The following ZNF8 variants were observed in gnomAD, a reference collection of about 807,000 sequenced individuals.
The protein encoded by ZNF8 is zinc finger protein 272.
In ZNF8, 9 loss-of-function variants were observed where a neutral mutation model predicts 12.2. That is an observed-to-expected ratio of 0.73 (90% CI 0.44 to 1.28). ZNF8 has a LOEUF of 1.28. ZNF8 is among the 50% of genes most tolerant of loss of function. ZNF8 has a pLI of 0.00. For synonymous variants in ZNF8, 274 were observed against 282.3 expected (o/e 0.97, Z 0.30); for missense variants, 664 against 729.1 (o/e 0.91, Z 1.03).
At chr19:58,290,207 G>A (rs572564670) in intron 3 of ZNF8, among the ~76,000 whole-genome samples, 2 of 130,464 alleles carry the variant, frequency 1.5e-5, no homozygotes, top group Admixed American at 9.7e-5. Flanking sequence ...TCCGCCTCCC[G>A]GGTTCACGCC....
At chr19:58,291,988 G>A (rs2051422243) in intron 3 of ZNF8, among the ~76,000 whole-genome samples, 1 of 152,106 alleles carries the variant, frequency 6.6e-6, no homozygotes, top group Admixed American at 6.6e-5. Flanking sequence ...AAGGGCACAG[G>A]GTCGTGTCCA....
At chr19:58,290,418 A>G (rs11672773) in intron 3 of ZNF8, among the ~76,000 whole-genome samples, 54,601 of 152,008 alleles carry the variant, frequency 0.36, 10,650 homozygotes, top group Middle Eastern at 0.47. Flanking sequence ...CCGGCCATCA[A>G]GATTCTTAAT....
rs754565635 is a variant in ZNF8 at position 58,294,475 on chromosome 19, T to G, written c.667T>G (p.Ser223Ala). Residue 223 changes from serine to alanine, a missense_variant, in exon 4 of 4, where the codon TCC becomes GCC. Transcript: ENST00000621650. This position sits in a 1 kb window ranked among gnomAD's most constrained non-coding sequence, Gnocchi z 5.5. ...CAGCTTAGTCAGTCAGCAGACAGGC[T>G]CCCCAGGAAAACAGCCCGGTGAAAA... ...NSSLVSQQTG[S>A]PGKQPGENSD... is the part of the protein sequence containing the mutation. 1.9e-6 allele frequency: 3 copies of G among 1,613,808 alleles called. No individual in the cohort carries two copies. The highest frequency in any genetic ancestry group is 1.7e-5 in the Admixed American group (1 of 59,966).
At chr19:58,284,532 C>T (rs922745600) in intron 1 of ZNF8, among the ~76,000 whole-genome samples, 1 of 152,176 alleles carries the variant, frequency 6.6e-6, no homozygotes, top group Non-Finnish European at 1.5e-5. Context: ...GGTAATGTTG[C>T]ATCAACTTAT....
chr19:58,285,595 C>A, intron 1 of ZNF8, 122 bp from the exon 2 acceptor site: 1 of 1,402,608 alleles, frequency 7.1e-7, no homozygotes. Flanking sequence ...TGACTCCCAT[C>A]ATTCATAACG....
At position 58,279,089 on chromosome 19, in the gene ZNF8, C is replaced by A. The variant is rs866237397; in HGVS notation, c.8C>A (p.Pro3His). The A allele has an allele frequency of 6.6e-7, 1 of 1,523,868 alleles. No homozygotes were observed. The allele number at this position is 1,523,868 out of a possible 1,614,324, so 94.4% of individuals were successfully genotyped here. ...TTCACTGGGCGATCCAGCATGGACC[C>A]CGAGGACGAAGGGGTAGCGGGAGTG... is the stretch of plus-strand genomic sequence containing the variant. MD[P>H]EDEGVAGVMS... is the part of the protein sequence containing the mutation. The change falls in exon 1 of 4, where the codon CCC (proline) becomes CAC (histidine). Residue 3 changes from proline to histidine, a missense_variant. Coordinates refer to ENST00000621650, the MANE Select transcript of ZNF8 (RefSeq NM_021089.3).
At position 58,295,263 on chromosome 19, in the gene ZNF8, CCAGAT is replaced by C; in HGVS notation, c.1456_1460del (p.Gln486AsnfsTer16). ...TTCAGAGCTCTCACCTCATCCGGCA[CCAGAT>C]AACTCACACCAGAGAGGAGCAGCCC... On this transcript the variant is annotated frameshift_variant, in exon 4 of 4. Coordinates refer to ENST00000621650, the MANE Select transcript of ZNF8 (RefSeq NM_021089.3). LOFTEE classifies it low-confidence loss of function (END_TRUNC). The C allele has an allele frequency of 3.7e-6, 6 of 1,614,258 alleles. No homozygotes were observed. The highest frequency in any genetic ancestry group is 5.1e-6 in the Non-Finnish European group (6 of 1,180,048).
chr19:58,294,322 G>C lies in ZNF8; in HGVS notation c.514G>C (p.Gly172Arg), dbSNP rs1344045888. ...CAAGGAAGCACCAGTTCAAGATCAAGGCTACAAAACTCTCAGACTCAGGGA... is the reference window on the plus strand; with the variant it reads ...CAAGGAAGCACCAGTTCAAGATCAACGCTACAAAACTCTCAGACTCAGGGA... Reference protein sequence around the residue: ...GLKEAPVQDQGYKTLRLRENC... With the variant: ...GLKEAPVQDQRYKTLRLRENC... The change falls in exon 4 of 4, where the codon GGC (glycine) becomes CGC (arginine). Residue 172 changes from glycine to arginine, a missense_variant. By Grantham distance (125) the Gly-to-Arg change is moderately radical. Transcript: ENST00000621650. This position sits in a 1 kb window ranked among gnomAD's most constrained non-coding sequence, Gnocchi z 5.5. The C allele has an allele frequency of 6.2e-7, 1 of 1,614,156 alleles. No individual in the cohort carries two copies.
chr19:58,298,781 C>T lies in ZNF8; in HGVS notation c.*3245C>T, dbSNP rs1168426564. ...CATAAATTTTGTTTTCTATTTGTTT[C>T]ATAGTAATCATAATCTAAACAAGAT... On this transcript the variant is annotated 3_prime_UTR_variant, in exon 4 of 4. Transcript: ENST00000621650. 1 of 147,858 alleles carries T rather than the reference C, an allele frequency of 6.8e-6. No individual in the cohort carries two copies. The highest frequency in any genetic ancestry group is 2.5e-5 in the African/African-American group (1 of 39,866). The allele number at this position is 147,858 out of a possible 1,614,324, so 9.2% of individuals were successfully genotyped here.
At chr19:58,279,488 C>T (rs1247563998) in intron 1 of ZNF8, 7 of 1,476,932 alleles carry the variant, frequency 4.7e-6, no homozygotes, top group Non-Finnish European at 5.4e-6. Context: ...GGTCTGTCCT[C>T]GTGTTGACTG....
chr19:58,281,943 T>C (rs1159857433), intron 1 of ZNF8, among the ~76,000 whole-genome samples: 3 of 152,020 alleles, frequency 2.0e-5, no homozygotes, highest in Admixed American at 1.3e-4. Context: ...TGCAACCCCA[T>C]CTCTACTAAA....
chr19:58,279,416 T>G (rs1441043775), intron 1 of ZNF8: 1 of 1,444,992 alleles, frequency 6.9e-7, no homozygotes, highest in Admixed American at 2.6e-5. Flanking sequence ...CCCGAGAGAA[T>G]CGAGCAGGCC....
At position 58,279,154 on chromosome 19, in the gene ZNF8, A is replaced by G. The variant is rs370737877; in HGVS notation, c.66+7A>G. The G allele has an allele frequency of 6.0e-5, 94 of 1,558,772 alleles. No individual in the cohort carries two copies. The highest frequency in any genetic ancestry group is 7.3e-5 in the Non-Finnish European group (84 of 1,152,596). On this transcript the variant is annotated splice_region_variant and intron_variant, in intron 1 of 3. Transcript: ENST00000621650. ...GCCGGCGGCCCGGCTTCAGGTAACA[A>G]TAACAACAATAACGACGGCGGCGGG...
At position 58,279,006 on chromosome 19, in the gene ZNF8, G is replaced by T. The variant is rs977247937; in HGVS notation, c.-76G>T. The T allele has an allele frequency of 5.9e-6, 8 of 1,347,802 alleles. No individual in the cohort carries two copies. The highest frequency in any genetic ancestry group is 7.0e-5 in the Admixed American group (2 of 28,606). The allele number at this position is 1,347,802 out of a possible 1,614,324, so 83.5% of individuals were successfully genotyped here. A position where few individuals can be genotyped will look rare whatever the true frequency, so the allele number is the denominator to read the frequency against. On this transcript the variant is annotated 5_prime_UTR_variant, in exon 1 of 4. Coordinates refer to ENST00000621650, the MANE Select transcript of ZNF8 (RefSeq NM_021089.3). ...GCCATTGTCCGGCGTTCGGCGAGTC[G>T]GGTGGTCCCTTTGGCTGGAGTGCCT...
chr19:58,281,513 A>G (rs1297934095), intron 1 of ZNF8, among the ~76,000 whole-genome samples: 2 of 152,122 alleles, frequency 1.3e-5, no homozygotes, highest in East Asian at 3.9e-4. Flanking sequence ...TGCCACTGAG[A>G]ATTCTCATGG....
intron 2 of ZNF8, 128 bp downstream of exon 2, chr19:58,285,971 C>T (rs2051380568): frequency 1.4e-6 from 2 of 1,448,038 alleles, no homozygotes; most frequent in Admixed American, 2.0e-5. Context: ...GAGGTCTGCC[C>T]TTTTCCATCA....
rs2051496254 is a variant in ZNF8, at chr19:58,302,366, T to C, written c.*6830T>C. Reference sequence around the variant, plus strand: ...TAGATGGTCCTTACCATTAGGATTTTACTAATTTTCCTTGCAGCTTTTTCT... The same window carrying C: ...TAGATGGTCCTTACCATTAGGATTTCACTAATTTTCCTTGCAGCTTTTTCT... On this transcript the variant is annotated 3_prime_UTR_variant, in exon 4 of 4. Transcript: ENST00000621650. 6.6e-6 allele frequency: 1 copy of C among 152,240 alleles called. No individual in the cohort carries two copies. The highest frequency in any genetic ancestry group is 2.4e-5 in the African/African-American group (1 of 41,470). 9.4% of individuals were successfully genotyped at this position (152,240 alleles called of 1,614,324 possible).
intron 1 of ZNF8, among the ~76,000 whole-genome samples, chr19:58,283,058 A>G (rs868356578): frequency 6.7e-6 from 1 of 149,002 alleles, no homozygotes; most frequent in Non-Finnish European, 1.5e-5. Context: ...GCTTGCTGCA[A>G]CCTCCACTTT....
At chr19:58,290,361 G>A (rs569720050) in intron 3 of ZNF8, among the ~76,000 whole-genome samples, 22 of 151,324 alleles carry the variant, frequency 1.5e-4, no homozygotes, top group South Asian at 1.0e-3. Context: ...TGATCCGCCC[G>A]CCTTGGCCTC....
Sources: gnomAD v4.1 joint callset for allele counts (sites outside exome capture counted in the v4.1 genomes callset) on GRCh38, gnomAD v4.1.1 for gene constraint, Gnocchi (gnomAD v3.1) non-coding constraint, MANE v1.5 for transcripts, NCBI Gene and HGNC (gene_info 2026-07-23, HGNC 2026-07-21) for gene names.